The following DIAPH2 variants were observed in gnomAD, a reference collection of about 807,000 sequenced individuals.
The protein encoded by DIAPH2 is diaphanous related formin 2, also known as protein diaphanous homolog 2.
In DIAPH2, 35 loss-of-function variants were observed where a neutral mutation model predicts 92.7. The ratio of observed to expected loss-of-function variants is 0.38; its 90% confidence interval spans 0.29 to 0.50. The LOEUF (loss-of-function observed/expected upper bound fraction) is 0.50. DIAPH2 is among the 20% of genes least tolerant of loss of function. The probability of loss-of-function intolerance (pLI) is 0.94; values close to 1 mark genes in which losing one functional copy is unlikely to be tolerated. For synonymous variants in DIAPH2, 301 were observed against 280.4 expected (o/e 1.07, Z -0.73); for missense variants, 701 against 819.5 (o/e 0.86, Z 1.77).
At chrX:97,474,798 A>G (rs1454192738) in intron 26 of DIAPH2, among the ~76,000 whole-genome samples, 1 of 111,036 alleles carries the variant, frequency 9.0e-6, no homozygotes, top group African/African-American at 3.3e-5. Flanking sequence ...AGTAATAATA[A>G]AGAACAGGGT....
Position 96,738,710 on chromosome X carries a change from G to A in DIAPH2, c.290G>A (p.Arg97Gln). 2 of 1,208,776 alleles carry A rather than the reference G, an allele frequency of 1.7e-6. No individual in the cohort carries two copies. The highest frequency in any genetic ancestry group is 3.6e-5 in the South Asian group (2 of 56,263). ...FPAAQPLYDE[R>Q]SLNLSEKEVL... is the part of the protein sequence containing the mutation. The stretch of plus-strand genomic sequence containing the variant: ...GCAGCTCAGCCATTATATGATGAAC[G>A]ATCTTTGAATTTGTCAGAAAAGGAA... The change falls in exon 3 of 27, where the codon CGA becomes CAA. Residue 97 changes from arginine to glutamine, a missense_variant. Transcript: ENST00000324765.
chrX:97,147,929 A>T (rs2067258444), intron 22 of DIAPH2, among the ~76,000 whole-genome samples: 1 of 111,874 alleles, frequency 8.9e-6, no homozygotes, highest in Non-Finnish European at 1.9e-5. Flanking sequence ...GGGAAAATCT[A>T]TGGATTCATT....
At chrX:97,154,892 T>G (rs1042405015) in intron 22 of DIAPH2, among the ~76,000 whole-genome samples, 1 of 112,447 alleles carries the variant, frequency 8.9e-6, no homozygotes, top group Non-Finnish European at 1.9e-5. Context: ...AAATGAATTG[T>G]TGATATCTCA....
intron 10 of DIAPH2, among the ~76,000 whole-genome samples, chrX:96,935,543 T>C (rs1361078536): frequency 1.8e-5 from 2 of 111,221 alleles, no homozygotes; most frequent in Non-Finnish European, 3.8e-5. Flanking sequence ...TTCCAAGAAC[T>C]ACTGAGGACA....
At chrX:97,351,635 C>A (rs1010620592) in intron 24 of DIAPH2, among the ~76,000 whole-genome samples, 57 of 110,149 alleles carry the variant, frequency 5.2e-4, no homozygotes, top group African/African-American at 1.9e-3. Context: ...AACCCCGTCT[C>A]TACTAAAAAT....
At chrX:97,367,004 CATTT>C (rs2069387181) in intron 24 of DIAPH2, among the ~76,000 whole-genome samples, 1 of 111,724 alleles carries the variant, frequency 9.0e-6, no homozygotes. Flanking sequence ...TAACACATGA[CATTT>C]ATTATTGCAA....
In DIAPH2 at chrX:96,731,282, A is replaced by G. The variant is rs372013399; in HGVS notation, c.133-4476A>G. ...TTAAATATTTGTTCAGCTGAAGTGA[A>G]GGTTGTTTTTTGTGTCCTATTGTAC... On this transcript the variant is annotated intron_variant, in intron 1 of 26. Coordinates refer to ENST00000324765, the MANE Select transcript of DIAPH2 (RefSeq NM_006729.5). Among the ~76,000 whole-genome samples the G allele has an allele frequency of 8.1e-5, 9 of 111,589 alleles. No homozygotes were observed. The East Asian group carries it at 8.5e-4, about 11-fold the overall frequency.
At chrX:96,845,369 G>A (rs1460972874) in intron 4 of DIAPH2, among the ~76,000 whole-genome samples, 3 of 112,005 alleles carry the variant, frequency 2.7e-5, no homozygotes, top group Non-Finnish European at 3.8e-5. Context: ...ACATTAAGAC[G>A]ACTAGCCAAA....
intron 4 of DIAPH2, among the ~76,000 whole-genome samples, chrX:96,832,576 G>C (rs770675238): frequency 9.0e-6 from 1 of 111,384 alleles, no homozygotes; most frequent in African/African-American, 3.3e-5. Context: ...AGTTTCCTGG[G>C]TAGTTAAGTG....
At chrX:97,571,070 G>A (rs1288512596) in intron 26 of DIAPH2, among the ~76,000 whole-genome samples, 2 of 111,403 alleles carry the variant, frequency 1.8e-5, no homozygotes, top group Non-Finnish European at 3.8e-5. Context: ...ACAGTTGGTG[G>A]GCACAGAGAC....
intron 23 of DIAPH2, among the ~76,000 whole-genome samples, chrX:97,264,128 G>T (rs1034819205): frequency 1.4e-4 from 15 of 109,936 alleles, no homozygotes; most frequent in Non-Finnish European, 2.3e-4. Flanking sequence ...TCGCCATGTT[G>T]CCCAGGCTGG....
chrX:97,049,308 A>G (rs1384354487), intron 17 of DIAPH2, among the ~76,000 whole-genome samples: 1 of 110,772 alleles, frequency 9.0e-6, no homozygotes, highest in Non-Finnish European at 1.9e-5. Context: ...TCTAACGGCC[A>G]TATATTCATA....
At chrX:96,811,793 CT>C (rs962885951) in intron 4 of DIAPH2, among the ~76,000 whole-genome samples, 1 of 111,420 alleles carries the variant, frequency 9.0e-6, no homozygotes, top group African/African-American at 3.3e-5. Flanking sequence ...TGGTTTTTGT[CT>C]TTGGTTCTGT....
intron 26 of DIAPH2, among the ~76,000 whole-genome samples, chrX:97,440,610 A>AAAAAAG (rs2070246215): frequency 9.2e-6 from 1 of 108,661 alleles, no homozygotes; most frequent in African/African-American, 3.4e-5. Flanking sequence ...AAAAAAAAAA[A>AAAAAAG]AAAAAGAAAG....
intron 25 of DIAPH2, among the ~76,000 whole-genome samples, chrX:97,428,502 T>C (rs1238617849): frequency 9.4e-6 from 1 of 106,410 alleles, no homozygotes; most frequent in East Asian, 2.9e-4. Context: ...GCCATTGCAC[T>C]CCAGCTTGGG....
chrX:96,808,103 G>C (rs1400526363), intron 4 of DIAPH2, among the ~76,000 whole-genome samples: 1 of 107,943 alleles, frequency 9.3e-6, no homozygotes, highest in Non-Finnish European at 1.9e-5. Context: ...TTGGTTTCAT[G>C]ACCCTTTGTT....
intron 25 of DIAPH2, among the ~76,000 whole-genome samples, chrX:97,425,570 T>C (rs2070053676): frequency 9.2e-6 from 1 of 108,304 alleles, no homozygotes; most frequent in Non-Finnish European, 1.9e-5. Context: ...AGGTCAGGAG[T>C]TTGAGACCAG....
chrX:96,913,676 T>C (rs1201023005), intron 7 of DIAPH2, among the ~76,000 whole-genome samples: 3 of 111,344 alleles, frequency 2.7e-5, no homozygotes, highest in Non-Finnish European at 1.9e-5. Flanking sequence ...ATTGTAAGAT[T>C]GAGATTTCTC....
intron 23 of DIAPH2, among the ~76,000 whole-genome samples, chrX:97,282,712 G>T (rs953651931): frequency 2.7e-5 from 3 of 111,690 alleles, no homozygotes; most frequent in African/African-American, 9.8e-5. Context: ...CTTGATAGAT[G>T]ACCTTTATAT....
Sources: gnomAD v4.1 joint callset for allele counts (sites outside exome capture counted in the v4.1 genomes callset) on GRCh38, gnomAD v4.1.1 for gene constraint, MANE v1.5 for transcripts, NCBI Gene and HGNC (gene_info 2026-07-23, HGNC 2026-07-21) for gene names.